Variants in PLEKHA6 observed in about 807,000 individuals in gnomAD.
The protein encoded by PLEKHA6 is pleckstrin homology domain containing A6.
In PLEKHA6, 60 loss-of-function variants were observed where a neutral mutation model predicts 116.7. The observed-to-expected ratio is 0.51, with a 90% CI of 0.42 to 0.64. The LOEUF is 0.64. Among genes scored for constraint, PLEKHA6 ranks in the 30% least tolerant of loss-of-function variants. PLEKHA6 has a pLI of 0.00. For missense variants in PLEKHA6, 1,338 were observed against 1,422.7 expected (o/e 0.94, Z 0.96); for synonymous variants, 489 against 556.1 (o/e 0.88, Z 1.70).
chr1:204,226,071 T>A (rs949052653), intron 21 of PLEKHA6, among the ~76,000 whole-genome samples: 2 of 152,244 alleles, frequency 1.3e-5, no homozygotes, highest in African/African-American at 2.4e-5. Context: ...GCTCATGACC[T>A]GTGCCCAGCA....
intron 1 of PLEKHA6, among the ~76,000 whole-genome samples, chr1:204,374,852 T>C (rs1311519432): frequency 6.6e-6 from 1 of 152,134 alleles, no homozygotes; most frequent in African/African-American, 2.4e-5. Context: ...CATTCACCAA[T>C]CCACTGCAAC....
intron 1 of PLEKHA6, among the ~76,000 whole-genome samples, chr1:204,292,266 G>A (rs994919516): frequency 3.3e-5 from 5 of 152,146 alleles, no homozygotes; most frequent in African/African-American, 7.2e-5. Context: ...TTCTTTTATG[G>A]TCTTATGAGG....
intron 13 of PLEKHA6, 23 bp downstream of exon 13, chr1:204,247,342 C>A: frequency 6.7e-7 from 1 of 1,500,942 alleles, no homozygotes; most frequent in Non-Finnish European, 9.3e-7. Flanking sequence ...CCAATCCCCG[C>A]CAGCTCAGGG....
rs571191907 is a variant in PLEKHA6 at position 204,355,692 on chromosome 1, G to A, written c.-95+4002C>T. ...TGGCTTCAAGTAATCCACCCGCTTCGGCCTCCCAAAGTGCTGGGATTACAG... is the reference window on the plus strand; with the variant it reads ...TGGCTTCAAGTAATCCACCCGCTTCAGCCTCCCAAAGTGCTGGGATTACAG... On this transcript the variant is annotated intron_variant, in intron 1 of 22. Coordinates refer to ENST00000272203, the MANE Select transcript of PLEKHA6 (RefSeq NM_014935.5). Among the ~76,000 whole-genome samples the A allele has an allele frequency of 9.7e-4, 147 of 152,092 alleles. 1 individual carries two copies. Among genetic ancestry groups the A allele is most frequent in the Non-Finnish European group, 1.5e-3 (99 of 68,004 alleles).
chr1:204,352,182 T>G (rs746660344), intron 1 of PLEKHA6, among the ~76,000 whole-genome samples: 15 of 151,968 alleles, frequency 9.9e-5, no homozygotes, highest in African/African-American at 2.2e-4. Flanking sequence ...GAGACCAGCC[T>G]GGCCAACATG....
At chr1:204,319,399 C>T (rs4523575) in intron 1 of PLEKHA6, among the ~76,000 whole-genome samples, 46,476 of 152,054 alleles carry the variant, frequency 0.31, 7,333 homozygotes, top group African/African-American at 0.38. Flanking sequence ...GTGATAAGCC[C>T]CAAACATACA....
chr1:204,245,797 C>T (rs1343653438), intron 13 of PLEKHA6, 71 bp from the exon 14 acceptor site: 3 of 1,048,906 alleles, frequency 2.9e-6, no homozygotes, highest in Admixed American at 1.7e-5. Flanking sequence ...TCAGCCCAGA[C>T]CCCTTGGAAC....
At chr1:204,233,765 A>G (rs1318280825) in intron 17 of PLEKHA6, among the ~76,000 whole-genome samples, 1 of 152,062 alleles carries the variant, frequency 6.6e-6, no homozygotes, top group South Asian at 2.1e-4. Flanking sequence ...TTTGTTTTCT[A>G]GTTTAAAAAT....
At chr1:204,357,583 G>A (rs749313618) in intron 1 of PLEKHA6, among the ~76,000 whole-genome samples, 3 of 152,216 alleles carry the variant, frequency 2.0e-5, no homozygotes, top group South Asian at 2.1e-4. Flanking sequence ...AGGGGAGTGC[G>A]AATCCTGCAG....
intron 15 of PLEKHA6, 62 bp downstream of exon 15, chr1:204,244,802 C>T: frequency 7.6e-7 from 1 of 1,310,404 alleles, no homozygotes; most frequent in Non-Finnish European, 1.0e-6. Context: ...TGTATAGTTT[C>T]AGACAAACGA....
Position 204,228,469 on chromosome 1 carries a change from A to G in PLEKHA6, c.2886-241T>C, listed in dbSNP as rs573754976. ...AAGTGAGCATTTAGGGCAGCCTTGA[A>G]GGGGAAAAGAAGTCACCAGAGGGCG... On this transcript the variant is annotated intron_variant, in intron 20 of 22. Coordinates refer to ENST00000272203, the MANE Select transcript of PLEKHA6 (RefSeq NM_014935.5). This position sits in a 1 kb window ranked among gnomAD's most constrained non-coding sequence, Gnocchi z 4.0. 3.3e-5 allele frequency among the ~76,000 whole-genome samples: 5 copies of G among 152,204 alleles called. No individual in the cohort carries two copies. The East Asian group carries it at 9.7e-4, about 29-fold the overall frequency.
intron 1 of PLEKHA6, among the ~76,000 whole-genome samples, chr1:204,319,251 G>A (rs1161529561): frequency 6.6e-6 from 1 of 152,174 alleles, no homozygotes; most frequent in African/African-American, 2.4e-5. Flanking sequence ...CTGGGAGCAG[G>A]AGGAGGAGCA....
At chr1:204,237,440 G>A (rs778780743) in intron 17 of PLEKHA6, among the ~76,000 whole-genome samples, 12 of 152,178 alleles carry the variant, frequency 7.9e-5, no homozygotes, top group Non-Finnish European at 1.6e-4. Context: ...GAAAGATGCA[G>A]GGGTGATGAT....
At chr1:204,311,310 G>A (rs951318465) in intron 1 of PLEKHA6, among the ~76,000 whole-genome samples, 4 of 152,054 alleles carry the variant, frequency 2.6e-5, no homozygotes, top group Admixed American at 1.3e-4. Flanking sequence ...TGACCAACAT[G>A]GAGAAACCTC....
intron 1 of PLEKHA6, among the ~76,000 whole-genome samples, chr1:204,348,377 C>T (rs1673147922): frequency 6.6e-6 from 1 of 152,118 alleles, no homozygotes; most frequent in Admixed American, 6.5e-5. Context: ...TACGCCCAAA[C>T]AGCAAGGAAA....
intron 1 of PLEKHA6, among the ~76,000 whole-genome samples, chr1:204,283,385 G>C (rs4951350): frequency 1 from 152,217 of 152,340 alleles, 76,047 homozygotes; most frequent in Middle Eastern, 1. Context: ...ATGCCTTGTT[G>C]AGCAGACAAC....
intron 1 of PLEKHA6, among the ~76,000 whole-genome samples, chr1:204,303,967 AGC>A (rs1671054894): frequency 6.6e-6 from 1 of 152,148 alleles, no homozygotes; most frequent in Non-Finnish European, 1.5e-5. Flanking sequence ...TGCCCGCCTC[AGC>A]CTCCCAAAGT....
At chr1:204,337,395 T>C (rs1025841759) in intron 1 of PLEKHA6, among the ~76,000 whole-genome samples, 2 of 152,150 alleles carry the variant, frequency 1.3e-5, no homozygotes, top group Non-Finnish European at 2.9e-5. Context: ...TGCTACCTTC[T>C]TACTAGCCTA....
chr1:204,290,438 G>A (rs1669626853), intron 1 of PLEKHA6, among the ~76,000 whole-genome samples: 2 of 152,096 alleles, frequency 1.3e-5, no homozygotes, highest in African/African-American at 2.4e-5. Context: ...AGAATGACAG[G>A]CTTTTCAATA....
Sources: allele counts gnomAD v4.1 joint callset (sites outside exome capture counted in the v4.1 genomes callset), GRCh38; gene constraint gnomAD v4.1.1; non-coding constraint Gnocchi (gnomAD v3.1); transcripts MANE v1.5; gene names NCBI Gene and HGNC (gene_info 2026-07-23, HGNC 2026-07-21).